Variants in GRIN2A observed in about 807,000 individuals in gnomAD.
The protein encoded by GRIN2A is glutamate receptor ionotropic, NMDA 2A.
Under a neutral mutation model 113.4 loss-of-function variants are expected in GRIN2A, and 22 were observed. That is an observed-to-expected ratio of 0.19 (90% CI 0.14 to 0.28). The LOEUF (loss-of-function observed/expected upper bound fraction) is 0.28. Among genes scored for constraint, GRIN2A ranks in the 10% least tolerant of loss-of-function variants. The pLI is 1.00. For missense variants in GRIN2A, 1,502 were observed against 1,887.0 expected (o/e 0.80, Z 3.78); for synonymous variants, 827 against 738.4 (o/e 1.12, Z -1.94).
intron 2 of GRIN2A, among the ~76,000 whole-genome samples, chr16:10,088,701 G>A (rs553724265): frequency 1.4e-4 from 22 of 152,312 alleles, no homozygotes; most frequent in Admixed American, 4.6e-4. Context: ...TGTGTTGTGC[G>A]AAGCCAGCAT....
At chr16:9,934,251 G>A (rs2044661086) in intron 3 of GRIN2A, among the ~76,000 whole-genome samples, 1 of 152,088 alleles carries the variant, frequency 6.6e-6, no homozygotes, top group Admixed American at 6.5e-5. Context: ...TCCTAAGTTT[G>A]TCTTTAGATA....
rs181331327 is a variant in GRIN2A at position 10,154,972 on chromosome 16, G to A, written c.414+25026C>T. Among the ~76,000 whole-genome samples, 210 of 152,324 alleles carry A rather than the reference G, an allele frequency of 1.4e-3. 1 individual carries two copies. Among genetic ancestry groups the A allele is most frequent in the Admixed American group, 0.012 (180 of 15,304 alleles). On this transcript the variant is annotated intron_variant, in intron 2 of 12. Coordinates refer to ENST00000330684, the MANE Select transcript of GRIN2A (RefSeq NM_001134407.3). Reference sequence around the variant, plus strand: ...GATCAAATAGATTTGGGAAACATTCGTTCAAACAGCAGGAAATAAGTTTAA... The same window carrying A: ...GATCAAATAGATTTGGGAAACATTCATTCAAACAGCAGGAAATAAGTTTAA...
chr16:9,939,324 C>G (rs1187908141), intron 2 of GRIN2A, among the ~76,000 whole-genome samples: 2 of 152,222 alleles, frequency 1.3e-5, no homozygotes, highest in East Asian at 3.9e-4. Context: ...ATCTCAGAAG[C>G]TGTAGATGAA....
intron 2 of GRIN2A, among the ~76,000 whole-genome samples, chr16:9,939,059 G>C (rs978632221): frequency 3.3e-5 from 5 of 152,068 alleles, no homozygotes; most frequent in African/African-American, 1.2e-4. Flanking sequence ...GTTTGAGTAG[G>C]GTTTCTGTCA....
intron 10 of GRIN2A, among the ~76,000 whole-genome samples, chr16:9,811,071 T>A (rs998732212): frequency 6.6e-6 from 1 of 152,154 alleles, no homozygotes; most frequent in African/African-American, 2.4e-5. Context: ...ATGACCTTTT[T>A]AGCACCTGGG....
At chr16:10,037,618 C>T (rs1273544173) in intron 2 of GRIN2A, among the ~76,000 whole-genome samples, 1 of 152,066 alleles carries the variant, frequency 6.6e-6, no homozygotes, top group Admixed American at 6.6e-5. Context: ...ACTCCTATTT[C>T]TTTTATTATT....
intron 2 of GRIN2A, among the ~76,000 whole-genome samples, chr16:10,066,500 C>T (rs977181185): frequency 4.6e-5 from 7 of 152,232 alleles, no homozygotes; most frequent in African/African-American, 1.7e-4. Context: ...TGCAAGAGGG[C>T]GTCAAAGTCA....
rs1900382055 is a variant in GRIN2A at position 9,757,232 on chromosome 16, G to T, written c.*5917C>A. On this transcript the variant is annotated 3_prime_UTR_variant, in exon 13 of 13. Coordinates refer to ENST00000330684, the MANE Select transcript of GRIN2A (RefSeq NM_001134407.3). ...CCTGTGCAAAAATGTAGGAGTGTGA[G>T]TGTGTTCACCTGGTTAGCAGCTCCT... 1 of 219,694 alleles carries T rather than the reference G, an allele frequency of 4.6e-6. No individual in the cohort carries two copies. Among genetic ancestry groups the T allele is most frequent in the South Asian group, 1.9e-4 (1 of 5,402 alleles). 13.6% of individuals were successfully genotyped at this position (219,694 alleles called of 1,614,324 possible). A position where few individuals can be genotyped will look rare whatever the true frequency, so the allele number is the denominator to read the frequency against.
chr16:9,937,355 A>C (rs2044736169), intron 3 of GRIN2A, among the ~76,000 whole-genome samples: 2 of 152,150 alleles, frequency 1.3e-5, no homozygotes, highest in Admixed American at 1.3e-4. Context: ...TAACATAAAG[A>C]ATATAATTGA....
chr16:9,957,570 A>G (rs746572226), intron 2 of GRIN2A, among the ~76,000 whole-genome samples: 1 of 152,214 alleles, frequency 6.6e-6, no homozygotes, highest in Non-Finnish European at 1.5e-5. Context: ...TGGCCAGAGT[A>G]GTGGAAATAA....
At chr16:9,829,150 T>A (rs1218627504) in intron 9 of GRIN2A, among the ~76,000 whole-genome samples, 1 of 152,162 alleles carries the variant, frequency 6.6e-6, no homozygotes, top group Non-Finnish European at 1.5e-5. Flanking sequence ...ACAAGCACCA[T>A]CAGAAAGATC....
chr16:9,858,782 G>A (rs181879939), intron 4 of GRIN2A, among the ~76,000 whole-genome samples: 1 of 152,148 alleles, frequency 6.6e-6, no homozygotes, highest in Admixed American at 6.6e-5. Flanking sequence ...TCCAGAAATT[G>A]TATGTCTCAA....
At chr16:10,126,409 C>G (rs556810939) in intron 2 of GRIN2A, among the ~76,000 whole-genome samples, 1 of 152,282 alleles carries the variant, frequency 6.6e-6, no homozygotes, top group Non-Finnish European at 1.5e-5. Context: ...TCAAGCAACA[C>G]TCCTGCCACT....
chr16:9,918,863 G>A (rs978715045), intron 3 of GRIN2A, among the ~76,000 whole-genome samples: 3 of 151,434 alleles, frequency 2.0e-5, no homozygotes, highest in Admixed American at 6.6e-5. Flanking sequence ...AAACCACTAC[G>A]GGCGTTTAGT....
intron 4 of GRIN2A, among the ~76,000 whole-genome samples, chr16:9,865,787 C>T (rs1031556920): frequency 6.6e-6 from 1 of 152,160 alleles, no homozygotes; most frequent in African/African-American, 2.4e-5. Context: ...AGCCCAAGGG[C>T]AAGCTGTTTC....
At chr16:10,076,588 C>A (rs1003460242) in intron 2 of GRIN2A, among the ~76,000 whole-genome samples, 1 of 152,138 alleles carries the variant, frequency 6.6e-6, no homozygotes. Flanking sequence ...GTATTCTTGT[C>A]ACAGACAATC....
At chr16:9,900,605 A>T (rs866729154) in intron 3 of GRIN2A, among the ~76,000 whole-genome samples, 6 of 152,336 alleles carry the variant, frequency 3.9e-5, no homozygotes, top group African/African-American at 1.4e-4. Context: ...TGTATAGAGT[A>T]GGGTCTAAGA....
rs946326733 is a variant in GRIN2A at position 9,762,806 on chromosome 16, G to T, written c.*343C>A. The T allele has an allele frequency of 7.0e-6, 3 of 427,542 alleles. No individual in the cohort carries two copies. The highest frequency in any genetic ancestry group is 7.9e-5 in the Admixed American group (2 of 25,428). 26.5% of individuals were successfully genotyped at this position (427,542 alleles called of 1,614,324 possible). On this transcript the variant is annotated 3_prime_UTR_variant, in exon 13 of 13. Transcript: ENST00000330684. ...TGGTGGGCTGACCTTAATGGAATTT[G>T]GAATATAGGAAATCATAACATCACC...
chr16:9,970,830 G>A (rs1874396373), intron 2 of GRIN2A: 2 of 350,104 alleles, frequency 5.7e-6, no homozygotes, highest in South Asian at 1.2e-4. Context: ...AACGCAGACT[G>A]GTTGGTGAGA....
Sources: gnomAD v4.1 joint callset for allele counts (sites outside exome capture counted in the v4.1 genomes callset) on GRCh38, gnomAD v4.1.1 for gene constraint, MANE v1.5 for transcripts, NCBI Gene and HGNC (gene_info 2026-07-23, HGNC 2026-07-21) for gene names.